Variants in ALDH7A1 observed in about 807,000 individuals in gnomAD.
The protein encoded by ALDH7A1 is alpha-aminoadipic semialdehyde dehydrogenase.
Under a neutral mutation model 79.9 loss-of-function variants are expected in ALDH7A1, and 63 were observed. That is an observed-to-expected ratio of 0.79 (90% CI 0.64 to 0.97). The LOEUF is 0.97. Among genes scored for constraint, ALDH7A1 ranks in the 50% least tolerant of loss-of-function variants. The pLI, the probability that ALDH7A1 is intolerant of heterozygous loss-of-function variation, is 0.00. For synonymous variants in ALDH7A1, 240 were observed against 231.2 expected (o/e 1.04, Z -0.34); for missense variants, 627 against 665.2 (o/e 0.94, Z 0.63).
chr5:126,582,691 C>T (rs1751217297), intron 5 of ALDH7A1, 160 bp downstream of exon 5: 1 of 863,582 alleles, frequency 1.2e-6, no homozygotes. Context: ...ACATTTTCAT[C>T]TGTTTTAATT....
At chr5:126,562,616 G>A (rs189920108) in intron 9 of ALDH7A1, among the ~76,000 whole-genome samples, 20 of 152,234 alleles carry the variant, frequency 1.3e-4, no homozygotes, top group Middle Eastern at 3.4e-3. Flanking sequence ...TTAGGAGGCC[G>A]AGGTGGGCAG....
At chr5:126,568,952 A>C (rs1561659665) in intron 8 of ALDH7A1, 1 of 154,710 alleles carries the variant, frequency 6.5e-6, no homozygotes, top group Non-Finnish European at 1.4e-5. Flanking sequence ...AAAAAATAAA[A>C]GAATTCAAAC....
Position 126,575,183 on chromosome 5 carries a change from A to C in ALDH7A1, c.695+237T>G, listed in dbSNP as rs572683438. 1.9e-4 allele frequency among the ~76,000 whole-genome samples: 29 copies of C among 152,340 alleles called. No individual in the cohort carries two copies. In the South Asian group the frequency reaches 2.7e-3, roughly 14 times the overall value. On this transcript the variant is annotated intron_variant, in intron 7 of 17. Coordinates refer to ENST00000409134, the MANE Select transcript of ALDH7A1 (RefSeq NM_001182.5). ...GCTTTTATTTTCCAAGTGACAAAAT[A>C]ATGTCTGCAAGAGTTCAATCAATAT...
intron 7 of ALDH7A1, chr5:126,571,095 G>A (rs1750754574): frequency 2.4e-6 from 1 of 412,552 alleles, no homozygotes; most frequent in Admixed American, 3.8e-5. Flanking sequence ...CAAACATTCA[G>A]ACCTGGATTT....
intron 9 of ALDH7A1, chr5:126,561,483 AGTGTGTGTGTGTGTGTGT>A (rs57059063): frequency 6.5e-6 from 1 of 154,500 alleles, no homozygotes; most frequent in Non-Finnish European, 1.4e-5. Context: ...GCACCCACAG[AGTGTGTGTGTGTGTGTGT>A]GTGTGTGTGT....
chr5:126,585,623 G>A (rs1380287276), intron 3 of ALDH7A1, among the ~76,000 whole-genome samples: 2 of 152,086 alleles, frequency 1.3e-5, no homozygotes, highest in Admixed American at 6.6e-5. Context: ...GTGCAGTGGC[G>A]CGATCTCGGC....
rs1581409165 is a variant in ALDH7A1 at position 126,595,070 on chromosome 5, T to C, written c.129A>G (p.Lys43=). ...LINQPQYAWL[K]ELGLREENEG... ...CGTTTTCCTCGCGGAGCCCCAGCTC[T>C]TTCAGCCACGCATACTGGGGCTGAT... Residue 43 remains lysine (K), a synonymous_variant, in exon 1 of 18, where the codon AAA becomes AAG. Coordinates refer to ENST00000409134, the MANE Select transcript of ALDH7A1 (RefSeq NM_001182.5). 6.2e-7 allele frequency: 1 copy of C among 1,608,822 alleles called. No individual in the cohort carries two copies. Among genetic ancestry groups the C allele is most frequent in the Non-Finnish European group, 8.5e-7 (1 of 1,177,706 alleles).
At chr5:126,545,108 T>C in intron 17 of ALDH7A1, 89 bp from the exon 18 acceptor site, 1 of 987,650 alleles carries the variant, frequency 1.0e-6, no homozygotes, top group Non-Finnish European at 1.6e-6. Context: ...GATCTGTATA[T>C]ATTAACAAGG....
chr5:126,578,990 G>A (rs1268623469), intron 5 of ALDH7A1, among the ~76,000 whole-genome samples: 3 of 119,632 alleles, frequency 2.5e-5, no homozygotes, highest in Non-Finnish European at 5.4e-5. Flanking sequence ...GCCTCTTCCT[G>A]GCAGGGCCTG....
chr5:126,575,444 G>A lies in ALDH7A1; in HGVS notation c.671C>T (p.Ser224Phe), dbSNP rs1389146330. The A allele has an allele frequency of 1.2e-6, 2 of 1,613,008 alleles. No homozygotes were observed. Among genetic ancestry groups the A allele is most frequent in the South Asian group, 2.2e-5 (2 of 90,824 alleles). ...CTTTGTGACAGCCACACTAATGAGGGAAGTGGTTGGAGCTCCTTTCCTTAA... is the reference window on the plus strand; with the variant it reads ...CTTTGTGACAGCCACACTAATGAGGAAAGTGGTTGGAGCTCCTTTCCTTAA... ...VCLWKGAPTT[S>F]LISVAVTKII... The change falls in exon 7 of 18, where the codon TCC (serine) becomes TTC (phenylalanine). Residue 224 changes from serine (S) to phenylalanine (F), a missense_variant. Transcript: ENST00000409134.
chr5:126,548,897 A>T (rs948669545), intron 16 of ALDH7A1, among the ~76,000 whole-genome samples: 5 of 62,814 alleles, frequency 8.0e-5, no homozygotes, highest in Non-Finnish European at 9.5e-5. Flanking sequence ...CTGTTTCTAA[A>T]AAAAAAAAAA....
intron 11 of ALDH7A1, among the ~76,000 whole-genome samples, chr5:126,557,827 A>G (rs949976479): frequency 6.6e-6 from 1 of 152,124 alleles, no homozygotes; most frequent in African/African-American, 2.4e-5. Flanking sequence ...GAGCTTAAAA[A>G]TAATTTTTTT....
chr5:126,592,606 T>C (rs537949976), intron 3 of ALDH7A1, 58 bp downstream of exon 3: 18 of 1,544,602 alleles, frequency 1.2e-5, no homozygotes, highest in African/African-American at 2.7e-5. Context: ...ATGTATCTCA[T>C]TGGTTACAAT....
At chr5:126,580,974 G>A (rs1415795321) in intron 5 of ALDH7A1, among the ~76,000 whole-genome samples, 4 of 152,110 alleles carry the variant, frequency 2.6e-5, no homozygotes, top group East Asian at 1.9e-4. Flanking sequence ...ACAGGCATGC[G>A]CCACCATGCC....
At chr5:126,554,700 T>C (rs1218407048) in intron 12 of ALDH7A1, 7 of 399,670 alleles carry the variant, frequency 1.8e-5, no homozygotes, top group South Asian at 1.3e-4. Context: ...CCAAGTCTGT[T>C]TGCCAATCTC....
rs369476648 is a variant in ALDH7A1 at position 126,570,718 on chromosome 5, C to T, written c.773+64G>A. 172 of 1,450,662 alleles carry T rather than the reference C, an allele frequency of 1.2e-4. 2 individuals are homozygous for T. The South Asian group carries it at 1.5e-3, about 13-fold the overall frequency. 89.9% of individuals were successfully genotyped at this position (1,450,662 alleles called of 1,614,324 possible). ...ATAAGTGAGTTCATTATTCTAGTAA[C>T]GATGATTCTAGTTGGTCAACCTGGG... is the stretch of plus-strand genomic sequence containing the variant. On this transcript the variant is annotated intron_variant, in intron 8 of 17. Transcript: ENST00000409134.
chr5:126,552,485 C>T lies in ALDH7A1; in HGVS notation c.1201-348G>A, dbSNP rs144891123. Among the ~76,000 whole-genome samples, 554 of 152,254 alleles carry T rather than the reference C, an allele frequency of 3.6e-3. 6 individuals carry two copies. The highest frequency in any genetic ancestry group is 0.012 in the African/African-American group (517 of 41,562). ...TCAGCTCACTGCAACCTCCGTCTCC[C>T]GGGTTCAAGCCATCCTCCCACCTCA... On this transcript the variant is annotated intron_variant, in intron 13 of 17. Coordinates refer to ENST00000409134, the MANE Select transcript of ALDH7A1 (RefSeq NM_001182.5).
chr5:126,565,050 G>A (rs552118492), intron 9 of ALDH7A1, among the ~76,000 whole-genome samples: 9 of 152,136 alleles, frequency 5.9e-5, no homozygotes, highest in South Asian at 2.1e-4. Context: ...AAATCTGCTC[G>A]TGGGACTAAT....
Position 126,573,976 on chromosome 5 carries a change from G to A in ALDH7A1, c.695+1444C>T, listed in dbSNP as rs1432623058. On this transcript the variant is annotated intron_variant, in intron 7 of 17. Transcript: ENST00000409134. The stretch of plus-strand genomic sequence containing the variant: ...ACCCAGGAAGCAGAAACTACAGTAA[G>A]CTGAGATGGCCCCACTGCAATCCAG... Among the ~76,000 whole-genome samples the A allele has an allele frequency of 1.2e-4, 16 of 137,012 alleles. 1 individual carries two copies. In the Admixed American group the frequency reaches 1.2e-3, roughly 11 times the overall value. The allele number at this position is 137,012 out of a possible 152,430, so 89.9% of individuals were successfully genotyped here.
Sources: allele counts gnomAD v4.1 joint callset (sites outside exome capture counted in the v4.1 genomes callset), GRCh38; gene constraint gnomAD v4.1.1; transcripts MANE v1.5; gene names NCBI Gene and HGNC (gene_info 2026-07-23, HGNC 2026-07-21).